Variants in ZNF804B observed in about 807,000 individuals in gnomAD.
The protein encoded by ZNF804B is zinc finger 804B.
In ZNF804B, 80 loss-of-function variants were observed where a neutral mutation model predicts 101.4. That is an observed-to-expected ratio of 0.79 (90% CI 0.66 to 0.95). The LOEUF (loss-of-function observed/expected upper bound fraction) is 0.95, where lower values mean the gene tolerates loss of function less well. ZNF804B is among the 40% of genes least tolerant of loss of function. The pLI, the probability that ZNF804B is intolerant of heterozygous loss-of-function variation, is 0.00. For missense variants in ZNF804B, 1,673 were observed against 1,561.9 expected (o/e 1.07, Z -1.20); for synonymous variants, 622 against 558.8 (o/e 1.11, Z -1.59).
At chr7:89,260,792 A>G (rs1789701977) in intron 2 of ZNF804B, among the ~76,000 whole-genome samples, 1 of 152,174 alleles carries the variant, frequency 6.6e-6, no homozygotes, top group Admixed American at 6.5e-5. Context: ...GGATTCATTT[A>G]TCTTGTAAAA....
intron 1 of ZNF804B, among the ~76,000 whole-genome samples, chr7:89,035,744 A>G (rs796775451): frequency 2.0e-5 from 3 of 151,710 alleles, no homozygotes; most frequent in African/African-American, 7.2e-5. Flanking sequence ...TCCAAAATCT[A>G]TGAATATACT....
chr7:88,859,592 G>A (rs2115852862), intron 1 of ZNF804B, among the ~76,000 whole-genome samples: 1 of 151,970 alleles, frequency 6.6e-6, no homozygotes, highest in South Asian at 2.1e-4. Flanking sequence ...CAGACATAAT[G>A]TTTTCTAGTT....
chr7:88,864,664 C>T (rs1030227754), intron 1 of ZNF804B, among the ~76,000 whole-genome samples: 53 of 152,144 alleles, frequency 3.5e-4, no homozygotes, highest in Admixed American at 3.1e-3. Flanking sequence ...ACTGGCCCCA[C>T]GGGTACCCTA....
At chr7:88,833,242 TC>T (rs1203045540) in intron 1 of ZNF804B, among the ~76,000 whole-genome samples, 1 of 151,940 alleles carries the variant, frequency 6.6e-6, no homozygotes, top group African/African-American at 2.4e-5. Flanking sequence ...GGTTTGTTTT[TC>T]TAACTAGTTA....
At chr7:88,970,593 A>G (rs1793520654) in intron 1 of ZNF804B, among the ~76,000 whole-genome samples, 1 of 151,416 alleles carries the variant, frequency 6.6e-6, no homozygotes. Flanking sequence ...AGAAAATTGT[A>G]CAGAATATAC....
chr7:88,839,937 T>A (rs1377971720), intron 1 of ZNF804B, among the ~76,000 whole-genome samples: 1 of 152,164 alleles, frequency 6.6e-6, no homozygotes, highest in Non-Finnish European at 1.5e-5. Context: ...TATTTTTAGT[T>A]TGGCTCCTTG....
At chr7:89,031,577 C>T (rs1028486340) in intron 1 of ZNF804B, among the ~76,000 whole-genome samples, 30 of 151,578 alleles carry the variant, frequency 2.0e-4, no homozygotes, top group African/African-American at 7.0e-4. Context: ...CAAAAACATA[C>T]ATCCTAATTT....
chr7:89,078,447 T>C (rs879754400), intron 1 of ZNF804B, among the ~76,000 whole-genome samples: 1 of 143,094 alleles, frequency 7.0e-6, no homozygotes, highest in African/African-American at 2.4e-5. Flanking sequence ...AATATATTGC[T>C]GAGAAAATAA....
chr7:89,167,252 A>G (rs1791157834), intron 1 of ZNF804B, among the ~76,000 whole-genome samples: 1 of 151,364 alleles, frequency 6.6e-6, no homozygotes, highest in Non-Finnish European at 1.5e-5. Context: ...CCTGGCCAAC[A>G]TGGTGAAACT....
intron 1 of ZNF804B, among the ~76,000 whole-genome samples, chr7:89,159,279 C>G (rs1791022468): frequency 6.6e-6 from 1 of 152,174 alleles, no homozygotes; most frequent in African/African-American, 2.4e-5. Context: ...GGGCTAGTGT[C>G]TACTGAAACT....
chr7:89,222,579 T>G (rs1474912391), intron 2 of ZNF804B, among the ~76,000 whole-genome samples: 4 of 152,000 alleles, frequency 2.6e-5, no homozygotes. Context: ...ATTTATCTTC[T>G]GCAAATCCAG....
chr7:89,072,548 T>C (rs1400901194), intron 1 of ZNF804B, among the ~76,000 whole-genome samples: 2 of 152,166 alleles, frequency 1.3e-5, no homozygotes, highest in Non-Finnish European at 1.5e-5. Context: ...GGCTACTGCC[T>C]CAGAGGGACC....
chr7:89,162,608 A>T (rs1447428615), intron 1 of ZNF804B, among the ~76,000 whole-genome samples: 1 of 141,292 alleles, frequency 7.1e-6, no homozygotes, highest in African/African-American at 2.7e-5. Flanking sequence ...TTTTTTTTTT[A>T]ATAGGTTGGG....
chr7:89,072,978 A>G (rs747799921), intron 1 of ZNF804B, among the ~76,000 whole-genome samples: 4 of 152,154 alleles, frequency 2.6e-5, no homozygotes, highest in African/African-American at 9.7e-5. Flanking sequence ...CAATTAGGAC[A>G]TAGTTACTAG....
rs562440725 is a variant in ZNF804B at position 89,144,386 on chromosome 7, T to C, written c.109-73769T>C. 9.9e-5 allele frequency among the ~76,000 whole-genome samples: 15 copies of C among 152,134 alleles called. No individual in the cohort carries two copies. The South Asian group carries it at 2.9e-3, about 29-fold the overall frequency. ...AGCATGGAATTTGATCTTATTCTGCTCTTTCAAAAAAGAAATTACAACTGT... is the reference window on the plus strand; with the variant it reads ...AGCATGGAATTTGATCTTATTCTGCCCTTTCAAAAAAGAAATTACAACTGT... On this transcript the variant is annotated intron_variant, in intron 1 of 3. Transcript: ENST00000333190.
chr7:88,939,285 T>C (rs1793022658), intron 1 of ZNF804B, among the ~76,000 whole-genome samples: 1 of 151,932 alleles, frequency 6.6e-6, no homozygotes, highest in African/African-American at 2.4e-5. Context: ...TAATACCCAA[T>C]CAAATATAAA....
intron 2 of ZNF804B, among the ~76,000 whole-genome samples, chr7:89,298,140 T>TC (rs1200456387): frequency 3.2e-4 from 43 of 136,240 alleles, no homozygotes; most frequent in Non-Finnish European, 5.9e-4. Flanking sequence ...TATATATATA[T>TC]ATCATATATA....
intron 2 of ZNF804B, among the ~76,000 whole-genome samples, chr7:89,243,991 A>G (rs1789409361): frequency 6.6e-6 from 1 of 151,988 alleles, no homozygotes; most frequent in Non-Finnish European, 1.5e-5. Context: ...CCATTATATA[A>G]TAACATGAGA....
In ZNF804B at chr7:89,108,602, GT is replaced by G. The variant is rs539696348; in HGVS notation, c.109-109550del. 5.9e-5 allele frequency among the ~76,000 whole-genome samples: 9 copies of G among 152,270 alleles called. No individual in the cohort carries two copies. The East Asian group carries it at 1.5e-3, about 26-fold the overall frequency. On this transcript the variant is annotated intron_variant, in intron 1 of 3. Transcript: ENST00000333190. ...TGGAAATACAGTAGCAATGCAACACGTTTAATGGTCTCTCTGACATGACAAA... is the reference window on the plus strand; with the variant it reads ...TGGAAATACAGTAGCAATGCAACACGTTAATGGTCTCTCTGACATGACAAA...
Sources: allele counts gnomAD v4.1 joint callset (sites outside exome capture counted in the v4.1 genomes callset), GRCh38; gene constraint gnomAD v4.1.1; transcripts MANE v1.5; gene names NCBI Gene and HGNC (gene_info 2026-07-23, HGNC 2026-07-21).